NBEA: variants seen among roughly 807,000 people sequenced by gnomAD.
NBEA encodes lysosomal-trafficking regulator 2.
NBEA carries 44 observed loss-of-function variants against 343.4 expected under a neutral mutation model. That is an observed-to-expected ratio of 0.13 (90% CI 0.10 to 0.16). The LOEUF (loss-of-function observed/expected upper bound fraction) is 0.16. Among genes scored for constraint, NBEA ranks in the 10% least tolerant of loss-of-function variants. The pLI, the probability that NBEA is intolerant of heterozygous loss-of-function variation, is 1.00. For missense variants in NBEA, 2,555 were observed against 3,631.3 expected, an observed-to-expected ratio of 0.70 and a Z score of 7.62; for synonymous variants, 1,175 against 1,238.7, an observed-to-expected ratio of 0.95 and a Z score of 1.08.
chr13:35,017,240 C>T (rs1005619082), intron 1 of NBEA, among the ~76,000 whole-genome samples: 9 of 152,056 alleles, frequency 5.9e-5, no homozygotes, highest in Non-Finnish European at 1.3e-4. Flanking sequence ...TCTGTTGTTT[C>T]TAGTTGTTTC....
intron 41 of NBEA, among the ~76,000 whole-genome samples, chr13:35,543,889 G>A (rs549059841): frequency 2.0e-5 from 3 of 152,222 alleles, no homozygotes; most frequent in East Asian, 1.9e-4. Flanking sequence ...GGTCTTCCAG[G>A]TGGTCATTTT....
At chr13:35,332,313 A>G (rs966064514) in intron 36 of NBEA, among the ~76,000 whole-genome samples, 11 of 152,034 alleles carry the variant, frequency 7.2e-5, no homozygotes, top group African/African-American at 2.7e-4. Context: ...AGGGCGTGGC[A>G]GGGGTTATAA....
chr13:35,465,264 T>A (rs1408680849), intron 40 of NBEA, among the ~76,000 whole-genome samples: 1 of 152,172 alleles, frequency 6.6e-6, no homozygotes. Context: ...CTATATTCAA[T>A]TCCACAAACA....
chr13:35,589,303 G>A (rs576773487), intron 46 of NBEA, among the ~76,000 whole-genome samples: 232 of 152,178 alleles, frequency 1.5e-3, no homozygotes, highest in African/African-American at 5.2e-3. Flanking sequence ...ATGTGACCTT[G>A]AATTTTCTCA....
chr13:35,669,186 G>A (rs9565463), intron 58 of NBEA, among the ~76,000 whole-genome samples: 25,258 of 151,996 alleles, frequency 0.17, 2,296 homozygotes, highest in East Asian at 0.26. Context: ...ATTATTTCCT[G>A]AAATTTACCT....
intron 30 of NBEA, among the ~76,000 whole-genome samples, chr13:35,193,183 A>G (rs759862115): frequency 6.6e-6 from 1 of 151,984 alleles, no homozygotes; most frequent in Non-Finnish European, 1.5e-5. Flanking sequence ...CTCTCAAAAA[A>G]TGTACAATCC....
intron 18 of NBEA, among the ~76,000 whole-genome samples, chr13:35,143,224 T>C (rs1173885508): frequency 6.6e-6 from 1 of 152,246 alleles, no homozygotes; most frequent in Admixed American, 6.5e-5. Context: ...AGCTGTTGCG[T>C]GTAGCTGCTT....
intron 39 of NBEA, among the ~76,000 whole-genome samples, chr13:35,450,306 C>G (rs1021109927): frequency 2.7e-5 from 4 of 150,558 alleles, no homozygotes; most frequent in Admixed American, 2.6e-4. Flanking sequence ...AGAGCCCATC[C>G]CTACAAAAAA....
chr13:35,109,384 A>G lies in NBEA; in HGVS notation c.1775A>G (p.Lys592Arg), dbSNP rs1217548937. The G allele has an allele frequency of 2.2e-5, 36 of 1,612,324 alleles. No individual in the cohort carries two copies. Among genetic ancestry groups the G allele is most frequent in the Non-Finnish European group, 3.0e-5 (35 of 1,179,128 alleles). The change falls in exon 12 of 59, where the codon AAG (lysine) becomes AGG (arginine). Residue 592 changes from lysine to arginine, a missense_variant. By Grantham distance (26) the Lys-to-Arg change is conservative. Transcript: ENST00000379939. ...DGLSHGAPLL[K>R]QLCDHILFNP... The stretch of plus-strand genomic sequence containing the variant: ...TTATCTCATGGAGCACCTTTGCTGA[A>G]GCAGCTTTGTGATCACATTTTATTT...
At chr13:35,154,375 G>A (rs1313761888) in intron 18 of NBEA, among the ~76,000 whole-genome samples, 1 of 152,092 alleles carries the variant, frequency 6.6e-6, no homozygotes, top group Non-Finnish European at 1.5e-5. Flanking sequence ...TTTTGCAGCA[G>A]TTTTTGTACT....
chr13:35,219,376 G>T lies in NBEA; in HGVS notation c.5648+8197G>T, dbSNP rs1004106533. Among the ~76,000 whole-genome samples the T allele has an allele frequency of 2.6e-5, 4 of 152,192 alleles. 1 individual carries two copies. The highest frequency in any genetic ancestry group is 2.6e-4 in the Admixed American group (4 of 15,258). ...TGCAGTAGTTTTCTAACATCAGCAT[G>T]CATCAGAATAACATAGAGGGCTTGT... is the stretch of plus-strand genomic sequence containing the variant. On this transcript the variant is annotated intron_variant, in intron 33 of 58. Coordinates refer to ENST00000379939, the MANE Select transcript of NBEA (RefSeq NM_001385012.1).
chr13:35,472,319 A>G (rs2075687585), intron 40 of NBEA, 81 bp from the exon 41 acceptor site: 2 of 1,499,398 alleles, frequency 1.3e-6, no homozygotes, highest in African/African-American at 2.8e-5. Flanking sequence ...CCTTACCAAT[A>G]AAAACCTCTG....
chr13:35,485,059 TAAG>T lies in NBEA; in HGVS notation c.6585+12528_6585+12530del, dbSNP rs1480315019. 3.9e-5 allele frequency among the ~76,000 whole-genome samples: 6 copies of T among 152,258 alleles called. No individual in the cohort carries two copies. The East Asian group carries it at 9.7e-4, about 24-fold the overall frequency. On this transcript the variant is annotated intron_variant, in intron 41 of 58. Transcript: ENST00000379939. ...CAGACTCATAGTAGCACCCATTTGG[TAAG>T]AAGATTTTGATTTTGAACTTTTGCC...
chr13:35,010,769 T>TATATACACACACACATATAC (rs1172952662), intron 1 of NBEA, among the ~76,000 whole-genome samples: 1 of 102,598 alleles, frequency 9.7e-6, no homozygotes, highest in African/African-American at 4.0e-5. Flanking sequence ...TATATATATA[T>TATATACACACACACATATAC]ATATATATAT....
intron 13 of NBEA, among the ~76,000 whole-genome samples, chr13:35,112,245 T>C (rs1191193005): frequency 1.3e-5 from 2 of 152,128 alleles, no homozygotes; most frequent in Non-Finnish European, 2.9e-5. Context: ...TTAGAAGTTA[T>C]TTATACTCAG....
chr13:35,316,933 T>C (rs923000367), intron 36 of NBEA, among the ~76,000 whole-genome samples: 4 of 152,226 alleles, frequency 2.6e-5, no homozygotes, highest in African/African-American at 9.6e-5. Context: ...GTTCATATCC[T>C]TCGCCCTCTT....
rs562481819 is a variant in NBEA, at chr13:35,425,502, G to T, written c.6180-6767G>T. On this transcript the variant is annotated intron_variant, in intron 38 of 58. Coordinates refer to ENST00000379939, the MANE Select transcript of NBEA (RefSeq NM_001385012.1). ...TGAGTTCTAGTTTGATTGCACTGCG[G>T]TCTGAGAGACAGTTTGTTATAATTT... 3.3e-5 allele frequency among the ~76,000 whole-genome samples: 5 copies of T among 152,326 alleles called. 1 individual carries two copies. The South Asian group carries it at 1.0e-3, about 32-fold the overall frequency.
intron 41 of NBEA, among the ~76,000 whole-genome samples, chr13:35,500,658 G>C (rs1416915363): frequency 6.6e-6 from 1 of 151,296 alleles, no homozygotes; most frequent in African/African-American, 2.4e-5. Context: ...TATTTTTGAT[G>C]AGATGACAAC....
At chr13:35,519,742 A>C (rs1301046190) in intron 41 of NBEA, among the ~76,000 whole-genome samples, 1 of 152,240 alleles carries the variant, frequency 6.6e-6, no homozygotes, top group South Asian at 2.1e-4. Flanking sequence ...AATAACTGGG[A>C]TATTACCTGA....
Sources: gnomAD v4.1 joint callset for allele counts (sites outside exome capture counted in the v4.1 genomes callset) on GRCh38, gnomAD v4.1.1 for gene constraint, MANE v1.5 for transcripts, NCBI Gene and HGNC (gene_info 2026-07-23, HGNC 2026-07-21) for gene names.